The following APLP2 variants were observed in gnomAD, a reference collection of about 807,000 sequenced individuals.
APLP2 encodes amyloid beta precursor like protein 2.
Under a neutral mutation model 89.9 loss-of-function variants are expected in APLP2, and 53 were observed. That is an observed-to-expected ratio of 0.59 (90% CI 0.47 to 0.74). The LOEUF is 0.74. Among genes scored for constraint, APLP2 ranks in the 30% least tolerant of loss-of-function variants. The pLI is 0.00. For missense variants in APLP2, 973 were observed against 975.9 expected, an observed-to-expected ratio of 1.00 and a Z score of 0.04; for synonymous variants, 372 against 348.6, an observed-to-expected ratio of 1.07 and a Z score of -0.75.
chr11:130,105,401 C>T (rs1268568625), intron 1 of APLP2, among the ~76,000 whole-genome samples: 3 of 151,824 alleles, frequency 2.0e-5, no homozygotes, highest in Admixed American at 2.0e-4. Flanking sequence ...GGTGACAGAG[C>T]AAGACCCTGT....
intron 3 of APLP2, 52 bp downstream of exon 3, chr11:130,110,713 A>G (rs1336763445): frequency 6.5e-7 from 1 of 1,543,382 alleles, no homozygotes; most frequent in East Asian, 2.4e-5. Flanking sequence ...CCCATTTTAA[A>G]TTTAATTTTC....
intron 1 of APLP2, among the ~76,000 whole-genome samples, chr11:130,076,721 G>C (rs529696903): frequency 6.6e-6 from 1 of 152,296 alleles, no homozygotes; most frequent in South Asian, 2.1e-4. Flanking sequence ...ATTAACTCCA[G>C]GGGACATGCT....
rs756462049 is a variant in APLP2, at chr11:130,110,607, C to T, written c.349C>T (p.Arg117Trp). ...GCGGGTTAGTATTGACAACTGGTGC[C>T]GGAGGGACAAAAAGCAATGCAAGAG... ...NQRVSIDNWC[R>W]RDKKQCKSRF... Residue 117 changes from arginine to tryptophan, a missense_variant, in exon 3 of 17, where the codon CGG (arginine) becomes TGG (tryptophan). Arg to Trp is a moderately radical substitution (Grantham distance 101). Transcript: ENST00000338167. 3.1e-5 allele frequency: 50 copies of T among 1,612,686 alleles called. No homozygotes were observed. The highest frequency in any genetic ancestry group is 2.2e-5 in the East Asian group (1 of 44,790).
intron 12 of APLP2, among the ~76,000 whole-genome samples, chr11:130,134,861 G>T (rs1468277405): frequency 6.6e-6 from 1 of 152,208 alleles, no homozygotes; most frequent in Non-Finnish European, 1.5e-5. Context: ...GCAGCTCGGG[G>T]ATGGTGGTAC....
chr11:130,117,652 T>C (rs1400119830), intron 3 of APLP2, among the ~76,000 whole-genome samples: 1 of 152,214 alleles, frequency 6.6e-6, no homozygotes, highest in Non-Finnish European at 1.5e-5. Flanking sequence ...TACATGCATC[T>C]ATAAACAATG....
At chr11:130,136,674 A>G (rs1314184118) in intron 13 of APLP2, among the ~76,000 whole-genome samples, 1 of 152,180 alleles carries the variant, frequency 6.6e-6, no homozygotes, top group Non-Finnish European at 1.5e-5. Context: ...TAAACTAGCG[A>G]TCCCAGAGCA....
At chr11:130,090,873 G>C (rs1299062835) in intron 1 of APLP2, among the ~76,000 whole-genome samples, 2 of 150,336 alleles carry the variant, frequency 1.3e-5, no homozygotes, top group Admixed American at 1.3e-4. Context: ...CCCGGACGGG[G>C]CGGTTGGCCG....
intron 8 of APLP2, among the ~76,000 whole-genome samples, chr11:130,127,326 C>T (rs1950497382): frequency 6.6e-6 from 1 of 152,150 alleles, no homozygotes; most frequent in African/African-American, 2.4e-5. Context: ...CACCAAAGTG[C>T]AACTTTTCTT....
Position 130,120,812 on chromosome 11 carries a change from C to G in APLP2, c.510C>G (p.Val170=), listed in dbSNP as rs999626489. The stretch of plus-strand genomic sequence containing the variant: ...ATCACCAGCACTGGCACACGGTAGT[C>G]AAAGAGGTAAGAGAACTCGGGGGGA... ...CENHQHWHTV[V]KEACLTQGMT... is the part of the protein sequence containing the mutation. The change falls in exon 4 of 17, where the codon GTC becomes GTG. Residue 170 remains valine (V), a synonymous_variant. Coordinates refer to ENST00000338167, the MANE Select transcript of APLP2 (RefSeq NM_001142276.2). 2.5e-6 allele frequency: 4 copies of G among 1,612,522 alleles called. No individual in the cohort carries two copies. The African/African-American group carries it at 4.0e-5, about 16-fold the overall frequency.
intron 1 of APLP2, among the ~76,000 whole-genome samples, chr11:130,092,469 C>A (rs1246674892): frequency 1.5e-5 from 2 of 132,310 alleles, no homozygotes; most frequent in Non-Finnish European, 3.2e-5. Flanking sequence ...TCTGCAATCC[C>A]GGCACCTCGG....
intron 16 of APLP2, among the ~76,000 whole-genome samples, chr11:130,142,922 G>T (rs1952597311): frequency 6.6e-6 from 1 of 152,166 alleles, no homozygotes; most frequent in Non-Finnish European, 1.5e-5. Flanking sequence ...CAGTTACTTG[G>T]TTTTATCTCC....
At chr11:130,114,826 T>C (rs1349241538) in intron 3 of APLP2, among the ~76,000 whole-genome samples, 1 of 152,226 alleles carries the variant, frequency 6.6e-6, no homozygotes, top group Admixed American at 6.5e-5. Flanking sequence ...TGATTTAATA[T>C]CTACTTTGAA....
chr11:130,115,057 C>A (rs758419029), intron 3 of APLP2, among the ~76,000 whole-genome samples: 1 of 151,968 alleles, frequency 6.6e-6, no homozygotes, highest in Non-Finnish European at 1.5e-5. Flanking sequence ...TTCTCTGAAC[C>A]CTGTTTTCCC....
rs201076312 is a variant in APLP2, at chr11:130,110,671, C to T, written c.403+10C>T. 2.5e-3 allele frequency: 4,001 copies of T among 1,588,026 alleles called. 7 individuals are homozygous for T. The highest frequency in any genetic ancestry group is 3.1e-3 in the Non-Finnish European group (3,602 of 1,169,612). On this transcript the variant is annotated intron_variant, in intron 3 of 16. Transcript: ENST00000338167. ...CCTTTCAAGTGTCTCGGTGAGTGTT[C>T]TTGGTTACTTTTCAGGAAGTGCCAG...
chr11:130,099,101 A>G (rs571941998), intron 1 of APLP2, among the ~76,000 whole-genome samples: 1 of 152,236 alleles, frequency 6.6e-6, no homozygotes, highest in Admixed American at 6.5e-5. Flanking sequence ...ACTTCACACC[A>G]TTTAGATCAT....
At chr11:130,071,429 G>A (rs1233641115) in intron 1 of APLP2, among the ~76,000 whole-genome samples, 1 of 152,222 alleles carries the variant, frequency 6.6e-6, no homozygotes, top group Non-Finnish European at 1.5e-5. Flanking sequence ...GATTGTTTCA[G>A]TGTGTCCACA....
intron 1 of APLP2, among the ~76,000 whole-genome samples, chr11:130,079,158 G>C (rs569148644): frequency 6.6e-6 from 1 of 151,870 alleles, no homozygotes; most frequent in East Asian, 1.9e-4. Context: ...GAGTGCAGTG[G>C]TGCAGTCTCT....
At chr11:130,102,700 G>C (rs1947109961) in intron 1 of APLP2, among the ~76,000 whole-genome samples, 1 of 152,184 alleles carries the variant, frequency 6.6e-6, no homozygotes, top group Non-Finnish European at 1.5e-5. Flanking sequence ...TAAAGGCCCT[G>C]ATTTAAAGTA....
intron 13 of APLP2, among the ~76,000 whole-genome samples, chr11:130,136,643 G>A (rs1287637106): frequency 6.6e-6 from 1 of 152,144 alleles, no homozygotes; most frequent in African/African-American, 2.4e-5. Flanking sequence ...TTAGCCTTCA[G>A]ACCTTAATGG....
Sources: allele counts gnomAD v4.1 joint callset (sites outside exome capture counted in the v4.1 genomes callset), GRCh38; gene constraint gnomAD v4.1.1; transcripts MANE v1.5; gene names NCBI Gene and HGNC (gene_info 2026-07-23, HGNC 2026-07-21).